Variants in ADAM22 observed in about 807,000 individuals in gnomAD.
The protein encoded by ADAM22 is ADAM metallopeptidase domain 22, also known as disintegrin and metalloproteinase domain-containing protein 22.
Under a neutral mutation model 144.6 loss-of-function variants are expected in ADAM22, and 65 were observed. The ratio of observed to expected loss-of-function variants is 0.45; its 90% CI spans 0.37 to 0.55. ADAM22 has a LOEUF of 0.55. Ranked by LOEUF, ADAM22 falls within the 20% of genes least tolerant of loss-of-function variation. The probability of loss-of-function intolerance (pLI) is 0.00; values close to 1 mark genes in which losing one functional copy is unlikely to be tolerated. For missense variants in ADAM22, 974 were observed against 1,184.9 expected (o/e 0.82, Z 2.61); for synonymous variants, 391 against 412.6 (o/e 0.95, Z 0.63).
chr7:88,152,132 A>T (rs375608680), intron 20 of ADAM22, among the ~76,000 whole-genome samples: 7 of 152,290 alleles, frequency 4.6e-5, no homozygotes, highest in Non-Finnish European at 1.0e-4. Context: ...AAACATTGGG[A>T]TGGGAAAACA....
chr7:88,025,493 G>A (rs529564610), intron 3 of ADAM22, among the ~76,000 whole-genome samples: 1 of 152,222 alleles, frequency 6.6e-6, no homozygotes, highest in African/African-American at 2.4e-5. Context: ...AGTAGTTTCA[G>A]AGTTTAAGGT....
At chr7:88,057,924 G>A (rs1266114946) in intron 3 of ADAM22, among the ~76,000 whole-genome samples, 2 of 152,136 alleles carry the variant, frequency 1.3e-5, no homozygotes, top group Non-Finnish European at 2.9e-5. Context: ...CCTGGCTCAG[G>A]TTTAATCCAG....
chr7:88,101,717 T>C (rs1207073187), intron 4 of ADAM22, among the ~76,000 whole-genome samples: 2 of 152,218 alleles, frequency 1.3e-5, no homozygotes, highest in Non-Finnish European at 2.9e-5. Context: ...GAGTACTACA[T>C]TCTGTATCAG....
At chr7:88,132,801 A>G in intron 11 of ADAM22, 66 bp from the exon 12 acceptor site, 1 of 1,272,044 alleles carries the variant, frequency 7.9e-7, no homozygotes, top group Non-Finnish European at 1.1e-6. Flanking sequence ...TAGTAAACTA[A>G]TAATGAGGGG....
At chr7:88,116,714 T>A (rs1484436129) in intron 6 of ADAM22, 31 bp from the exon 7 acceptor site, 1 of 1,574,582 alleles carries the variant, frequency 6.4e-7, no homozygotes, top group African/African-American at 1.3e-5. Flanking sequence ...CTGTTGTACA[T>A]GCTTAATCAC....
chr7:88,145,159 T>G lies in ADAM22; in HGVS notation c.1355T>G (p.Ile452Ser). Reference sequence around the variant, plus strand: ...CCTCCTGAGTGTGGCAATGGCTTCATTGAAACTGGAGAGGAGTGTGATTGT... The same window carrying G: ...CCTCCTGAGTGTGGCAATGGCTTCAGTGAAACTGGAGAGGAGTGTGATTGT... Reference protein sequence around the residue: ...LDPPECGNGFIETGEECDCGT... With the variant: ...LDPPECGNGFSETGEECDCGT... Residue 452 changes from isoleucine to serine, a missense_variant, in exon 16 of 32, where the codon ATT becomes AGT. By Grantham distance (142) the Ile-to-Ser change is moderately radical (BLOSUM62 -2). Transcript: ENST00000413139. 6.2e-7 allele frequency: 1 copy of G among 1,613,844 alleles called. No homozygotes were observed. Among genetic ancestry groups the G allele is most frequent in the South Asian group, 1.1e-5 (1 of 91,046 alleles).
chr7:88,070,244 A>G (rs2129478484), intron 3 of ADAM22, among the ~76,000 whole-genome samples: 1 of 152,274 alleles, frequency 6.6e-6, no homozygotes, highest in African/African-American at 2.4e-5. Context: ...GCTATGGGAC[A>G]ATGCACTGAA....
Position 88,168,133 on chromosome 7 carries a change from T to C in ADAM22, c.2192-4T>C. 6.2e-7 allele frequency: 1 copy of C among 1,612,348 alleles called. No homozygotes were observed. The highest frequency in any genetic ancestry group is 8.5e-7 in the Non-Finnish European group (1 of 1,179,146). ...TCTTCCTTCTTTCTTTTTTTTCCTC[T>C]CAGGTGTTGCTGGCACCAATATCAT... On this transcript the variant is annotated splice_polypyrimidine_tract_variant and splice_region_variant and intron_variant, in intron 24 of 31. Coordinates refer to ENST00000413139, the MANE Select transcript of ADAM22 (RefSeq NM_001324418.2).
intron 4 of ADAM22, among the ~76,000 whole-genome samples, chr7:88,080,208 A>G (rs1816094923): frequency 1.3e-5 from 2 of 152,346 alleles, no homozygotes; most frequent in Non-Finnish European, 2.9e-5. Context: ...AAAACCGCTC[A>G]ACTACATGGA....
intron 3 of ADAM22, among the ~76,000 whole-genome samples, chr7:87,982,670 C>CATATATATATATATATATATATAT (rs3086405): frequency 3.2e-4 from 12 of 38,092 alleles, no homozygotes; most frequent in East Asian, 8.6e-4. Flanking sequence ...TCAGTTATTA[C>CATATATATATATATATATATATAT]ATATATATAT....
chr7:88,107,320 G>T (rs1563228076), intron 4 of ADAM22, among the ~76,000 whole-genome samples: 1 of 146,714 alleles, frequency 6.8e-6, no homozygotes, highest in Non-Finnish European at 1.5e-5. Context: ...TCCTGCCTCA[G>T]CCTCCCGAGT....
chr7:88,119,368 T>C (rs761191226), intron 7 of ADAM22, among the ~76,000 whole-genome samples: 2 of 152,216 alleles, frequency 1.3e-5, no homozygotes, highest in Non-Finnish European at 2.9e-5. Flanking sequence ...TTTATACAGA[T>C]GGAATCATGT....
At chr7:88,020,466 G>A (rs1321549715) in intron 3 of ADAM22, among the ~76,000 whole-genome samples, 1 of 152,178 alleles carries the variant, frequency 6.6e-6, no homozygotes, top group East Asian at 1.9e-4. Context: ...TTGCCAAGGG[G>A]ATGGGTTTTG....
chr7:88,109,718 TGA>T (rs1349829229), intron 5 of ADAM22, among the ~76,000 whole-genome samples: 1 of 148,856 alleles, frequency 6.7e-6, no homozygotes. Flanking sequence ...GCTTTTTTTT[TGA>T]GAGAGAGAGA....
chr7:87,934,828 C>A, intron 1 of ADAM22, 198 bp from the exon 2 acceptor site: 2 of 741,106 alleles, frequency 2.7e-6, no homozygotes, highest in East Asian at 5.4e-5. Flanking sequence ...GGGCCCCGCT[C>A]CTGGTTGCTC....
intron 3 of ADAM22, among the ~76,000 whole-genome samples, chr7:88,019,859 G>GTT: frequency 1.9e-5 from 1 of 52,832 alleles, no homozygotes; most frequent in Non-Finnish European, 3.3e-5. Context: ...CAAAAAATAT[G>GTT]TGTGTGTGTG....
chr7:88,036,245 C>T (rs117690880), intron 3 of ADAM22, among the ~76,000 whole-genome samples: 3,734 of 152,218 alleles, frequency 0.025, 73 homozygotes, highest in Non-Finnish European at 0.04. Context: ...AAAACCTTCA[C>T]TAAAGAAAGA....
intron 4 of ADAM22, among the ~76,000 whole-genome samples, chr7:88,077,949 C>A (rs1470651355): frequency 1.3e-5 from 2 of 152,226 alleles, no homozygotes; most frequent in East Asian, 3.8e-4. Context: ...ACAGCAATAA[C>A]CTCTGCAGAC....
At chr7:88,014,676 A>G (rs1381385008) in intron 3 of ADAM22, among the ~76,000 whole-genome samples, 1 of 152,176 alleles carries the variant, frequency 6.6e-6, no homozygotes, top group Non-Finnish European at 1.5e-5. Flanking sequence ...AAAAAGTTAT[A>G]TACTTTCTGG....
Sources: gnomAD v4.1 joint callset for allele counts (sites outside exome capture counted in the v4.1 genomes callset) on GRCh38, gnomAD v4.1.1 for gene constraint, MANE v1.5 for transcripts, NCBI Gene and HGNC (gene_info 2026-07-23, HGNC 2026-07-21) for gene names.